Variants in ROR2 observed in about 807,000 individuals in gnomAD.
The protein encoded by ROR2 is ROR family WNT receptor 2, also known as tyrosine-protein kinase transmembrane receptor ROR2.
Under a neutral mutation model 74.9 loss-of-function variants are expected in ROR2, and 33 were observed. The observed-to-expected ratio is 0.44, with a 90% CI of 0.33 to 0.59. The LOEUF (loss-of-function observed/expected upper bound fraction) is 0.59, where lower values mean the gene tolerates loss of function less well. ROR2 is among the 20% of genes least tolerant of loss of function. The pLI is 0.02. For synonymous variants in ROR2, 586 were observed against 558.7 expected (o/e 1.05, Z -0.69); for missense variants, 1,216 against 1,313.8 (o/e 0.93, Z 1.15).
intron 4 of ROR2, among the ~76,000 whole-genome samples, chr9:91,750,858 T>C (rs1379457418): frequency 6.6e-6 from 1 of 152,202 alleles, no homozygotes; most frequent in Non-Finnish European, 1.5e-5. Context: ...GGCAATGCAA[T>C]GGCTTTTAGA....
rs1135150 is a variant in ROR2 at position 91,722,950 on chromosome 9, G to A, written c.*712C>T. The A allele has an allele frequency of 0.064, 13,767 of 214,182 alleles. 613 individuals are homozygous for A. Among genetic ancestry groups the A allele is most frequent in the East Asian group, 0.14 (1,407 of 10,198 alleles). The allele number at this position is 214,182 out of a possible 1,614,324, so 13.3% of individuals were successfully genotyped here. On this transcript the variant is annotated 3_prime_UTR_variant, in exon 9 of 9. Transcript: ENST00000375708. ...CTTCCTCTGAACATTCCAAACCCAA[G>A]AAACACTTTCCCTTGAATTCCCAAA...
In ROR2 at chr9:91,906,354, T is replaced by C. The variant is rs1472190260; in HGVS notation, c.97+43513A>G. 2.0e-5 allele frequency among the ~76,000 whole-genome samples: 3 copies of C among 152,202 alleles called. No homozygotes were observed. In the East Asian group the frequency reaches 5.8e-4, roughly 29 times the overall value. On this transcript the variant is annotated intron_variant, in intron 1 of 8. Transcript: ENST00000375708. ...AACAAGATCTCTGCATGGCAGCCTC[T>C]GAGGAAAGTCTGCGCATTTGAGGAA...
At chr9:91,892,042 T>A (rs1220410807) in intron 1 of ROR2, among the ~76,000 whole-genome samples, 20 of 132,710 alleles carry the variant, frequency 1.5e-4, no homozygotes, top group Non-Finnish European at 2.6e-4. Context: ...AACAAGAATC[T>A]GTCTAAGAAG....
rs2118129378 is a variant in ROR2, at chr9:91,950,203, G to T, written c.-240C>A. 2 of 261,480 alleles carry T rather than the reference G, an allele frequency of 7.6e-6. No individual in the cohort carries two copies. Among genetic ancestry groups the T allele is most frequent in the East Asian group, 6.6e-5 (1 of 15,062 alleles). 16.2% of individuals were successfully genotyped at this position (261,480 alleles called of 1,614,324 possible). On this transcript the variant is annotated 5_prime_UTR_variant, in exon 1 of 9. Coordinates refer to ENST00000375708, the MANE Select transcript of ROR2 (RefSeq NM_004560.4). ...CGCGGGCTGGGGCGTCCCGCCGGCCGCCAGGACGAGCGCGGGGGGCGGACC... is the reference window on the plus strand; with the variant it reads ...CGCGGGCTGGGGCGTCCCGCCGGCCTCCAGGACGAGCGCGGGGGGCGGACC...
At chr9:91,921,932 G>A (rs1831276173) in intron 1 of ROR2, among the ~76,000 whole-genome samples, 2 of 142,074 alleles carry the variant, frequency 1.4e-5, no homozygotes, top group African/African-American at 5.5e-5. Context: ...ATTGGGCAAA[G>A]GATCTGAATA....
intron 4 of ROR2, among the ~76,000 whole-genome samples, chr9:91,752,859 T>C (rs1237490882): frequency 6.6e-6 from 1 of 152,148 alleles, no homozygotes; most frequent in Non-Finnish European, 1.5e-5. Flanking sequence ...ATCAGATGGA[T>C]TGATGGACAG....
intron 2 of ROR2, among the ~76,000 whole-genome samples, chr9:91,757,904 G>T (rs141837318): frequency 1.1e-3 from 173 of 152,170 alleles, no homozygotes; most frequent in Admixed American, 2.6e-3. Context: ...TGAACCCATG[G>T]CCAACAGCCT....
At chr9:91,785,087 A>G (rs1327909253) in intron 1 of ROR2, among the ~76,000 whole-genome samples, 1 of 152,164 alleles carries the variant, frequency 6.6e-6, no homozygotes, top group Non-Finnish European at 1.5e-5. Context: ...ACATGGGTAC[A>G]CACACGTATA....
intron 2 of ROR2, among the ~76,000 whole-genome samples, chr9:91,774,160 C>G (rs1650262749): frequency 6.6e-6 from 1 of 152,162 alleles, no homozygotes; most frequent in Non-Finnish European, 1.5e-5. Flanking sequence ...GTCCCCAAGG[C>G]CAGTGTACTA....
intron 1 of ROR2, 102 bp downstream of exon 1, chr9:91,949,765 A>C (rs1279129391): frequency 1.3e-6 from 1 of 779,052 alleles, no homozygotes. Flanking sequence ...GTTCAGGAGC[A>C]TGGGCGCCGG....
rs183293351 is a variant in ROR2 at position 91,764,863 on chromosome 9, T to A, written c.176-7304A>T. ...TGATAGTTTCGTTGGGTATAGAATT[T>A]GAGGCAATACTGTCCTCTGGCTTCT... On this transcript the variant is annotated intron_variant, in intron 2 of 8. Coordinates refer to ENST00000375708, the MANE Select transcript of ROR2 (RefSeq NM_004560.4). Among the ~76,000 whole-genome samples the A allele has an allele frequency of 3.9e-4, 60 of 152,322 alleles. 1 individual carries two copies. The East Asian group carries it at 0.011, about 27-fold the overall frequency.
Position 91,724,733 on chromosome 9 carries a change from C to T in ROR2, c.1761G>A (p.Leu587=). The T allele has an allele frequency of 2.5e-6, 4 of 1,614,148 alleles. No individual in the cohort carries two copies. Among genetic ancestry groups the T allele is most frequent in the Non-Finnish European group, 3.4e-6 (4 of 1,180,030 alleles). ...CAAGGTGCACGAAGTCGGGGGGCTC[C>T]AGGGCGGACTTCACCGTGCGGTCAT... ...TDDDRTVKSA[L]EPPDFVHLVA... The change falls in exon 9 of 9, where the codon CTG becomes CTA. Residue 587 remains leucine, a synonymous_variant. Coordinates refer to ENST00000375708, the MANE Select transcript of ROR2 (RefSeq NM_004560.4).
intron 2 of ROR2, among the ~76,000 whole-genome samples, chr9:91,774,736 T>C (rs756557964): frequency 6.6e-6 from 1 of 152,038 alleles, no homozygotes; most frequent in Non-Finnish European, 1.5e-5. Flanking sequence ...AAACAGGAAC[T>C]AGGGAGGGGT....
At chr9:91,771,290 C>T (rs1437822636) in intron 2 of ROR2, among the ~76,000 whole-genome samples, 2 of 152,218 alleles carry the variant, frequency 1.3e-5, no homozygotes, top group African/African-American at 2.4e-5. Context: ...CACATCACCC[C>T]GCCCCAGCCT....
chr9:91,757,234 A>G (rs750283955), intron 3 of ROR2, 38 bp downstream of exon 3: 17 of 1,613,070 alleles, frequency 1.1e-5, no homozygotes, highest in Middle Eastern at 3.3e-4. Context: ...GGGAACCTTC[A>G]TATCTGCTAA....
chr9:91,814,495 G>A (rs952621281), intron 1 of ROR2, among the ~76,000 whole-genome samples: 2 of 152,100 alleles, frequency 1.3e-5, no homozygotes. Context: ...CCCCCTCCAT[G>A]ACTGCCAGCC....
intron 1 of ROR2, among the ~76,000 whole-genome samples, chr9:91,893,754 T>G (rs899804180): frequency 6.6e-6 from 1 of 151,998 alleles, no homozygotes; most frequent in African/African-American, 2.4e-5. Flanking sequence ...TGATCAATAC[T>G]CCATACCACC....
chr9:91,793,876 A>G (rs1827086019), intron 1 of ROR2, among the ~76,000 whole-genome samples: 1 of 152,234 alleles, frequency 6.6e-6, no homozygotes, highest in South Asian at 2.1e-4. Context: ...CTGGGATAGG[A>G]AAGAGAGTTC....
chr9:91,867,252 A>G (rs1446012152), intron 1 of ROR2, among the ~76,000 whole-genome samples: 1 of 152,212 alleles, frequency 6.6e-6, no homozygotes, highest in African/African-American at 2.4e-5. Flanking sequence ...TTCCCCACTA[A>G]AAGAGCACAG....
Sources: gnomAD v4.1 joint callset for allele counts (sites outside exome capture counted in the v4.1 genomes callset) on GRCh38, gnomAD v4.1.1 for gene constraint, MANE v1.5 for transcripts, NCBI Gene and HGNC (gene_info 2026-07-23, HGNC 2026-07-21) for gene names.